The following KCNN3 variants were observed in gnomAD, a reference collection of about 807,000 sequenced individuals.
The protein encoded by KCNN3 is potassium calcium-activated channel subfamily N member 3.
Under a neutral mutation model 62.9 loss-of-function variants are expected in KCNN3, and 16 were observed. The observed-to-expected ratio is 0.25, with a 90% CI of 0.17 to 0.39. The LOEUF is 0.39. Among genes scored for constraint, KCNN3 ranks in the 10% least tolerant of loss-of-function variants. KCNN3 has a pLI of 1.00. For synonymous variants in KCNN3, 370 were observed against 389.2 expected, an observed-to-expected ratio of 0.95 and a Z score of 0.58; for missense variants, 599 against 949.4, an observed-to-expected ratio of 0.63 and a Z score of 4.85.
intron 3 of KCNN3, among the ~76,000 whole-genome samples, chr1:154,749,902 G>A (rs1340799107): frequency 1.3e-5 from 2 of 152,164 alleles, no homozygotes; most frequent in African/African-American, 4.8e-5. Context: ...CCCAGGGAGT[G>A]CAGCTGTCCC....
intron 1 of KCNN3, among the ~76,000 whole-genome samples, chr1:154,833,296 A>T (rs1571320772): frequency 6.6e-6 from 1 of 152,008 alleles, no homozygotes; most frequent in East Asian, 1.9e-4. Flanking sequence ...TTTTTAAGAC[A>T]CCCAGAAATC....
rs970837702 is a variant in KCNN3, at chr1:154,703,021, G to A, written c.*4955C>T. On this transcript the variant is annotated 3_prime_UTR_variant, in exon 8 of 8. Transcript: ENST00000271915. ...TTGTTCAGAGGGAACTCCAGTTCAC[G>A]TTTGGGTGTTTCCAGTAATGGCGTA... is the stretch of plus-strand genomic sequence containing the variant. 5 of 151,810 alleles carry A rather than the reference G, an allele frequency of 3.3e-5. No homozygotes were observed. The highest frequency in any genetic ancestry group is 5.9e-5 in the Non-Finnish European group (4 of 67,974). The allele number at this position is 151,810 out of a possible 1,614,324, so 9.4% of individuals were successfully genotyped here. A position where few individuals can be genotyped will look rare whatever the true frequency, so the allele number is the denominator to read the frequency against.
intron 1 of KCNN3, among the ~76,000 whole-genome samples, chr1:154,832,712 A>G (rs1014862038): frequency 6.6e-6 from 1 of 152,216 alleles, no homozygotes; most frequent in Non-Finnish European, 1.5e-5. Flanking sequence ...TCCCAAATGA[A>G]TAAAACAGCA....
chr1:154,853,548 G>A (rs915482263), intron 1 of KCNN3, among the ~76,000 whole-genome samples: 2 of 152,110 alleles, frequency 1.3e-5, no homozygotes, highest in African/African-American at 4.8e-5. Context: ...GCCTAGGCTG[G>A]TCTCAAACTC....
At chr1:154,780,062 C>T (rs1290001027) in intron 2 of KCNN3, among the ~76,000 whole-genome samples, 1 of 152,162 alleles carries the variant, frequency 6.6e-6, no homozygotes, top group Admixed American at 6.5e-5. Context: ...GCTGCCTTGA[C>T]AAGGAGACAA....
At chr1:154,787,792 A>G (rs1359332972) in intron 2 of KCNN3, among the ~76,000 whole-genome samples, 1 of 152,180 alleles carries the variant, frequency 6.6e-6, no homozygotes, top group African/African-American at 2.4e-5. Context: ...TTGGATATCC[A>G]GACGCCCAGA....
intron 2 of KCNN3, among the ~76,000 whole-genome samples, chr1:154,790,028 C>T (rs975176803): frequency 4.6e-5 from 7 of 152,224 alleles, no homozygotes; most frequent in African/African-American, 1.7e-4. Context: ...CCTGCCTCAG[C>T]TTCCCAAGTG....
chr1:154,783,857 C>T (rs936553814), intron 2 of KCNN3, among the ~76,000 whole-genome samples: 5 of 152,156 alleles, frequency 3.3e-5, no homozygotes, highest in Non-Finnish European at 7.3e-5. Context: ...GTTGTGCCAC[C>T]ACCACCTCAC....
intron 1 of KCNN3, among the ~76,000 whole-genome samples, chr1:154,849,537 G>T (rs1349715693): frequency 6.6e-6 from 1 of 152,214 alleles, no homozygotes; most frequent in Non-Finnish European, 1.5e-5. Context: ...CTCAAGACAA[G>T]ATTTCCAAGG....
intron 1 of KCNN3, among the ~76,000 whole-genome samples, chr1:154,838,433 C>T (rs1318010445): frequency 2.0e-5 from 3 of 152,104 alleles, no homozygotes; most frequent in African/African-American, 7.2e-5. Context: ...GAAGGCAGAC[C>T]CCCTAAGCAA....
At position 154,703,405 on chromosome 1, in the gene KCNN3, T is replaced by C. The variant is rs1399473059; in HGVS notation, c.*4571A>G. The C allele has an allele frequency of 6.6e-6, 1 of 152,212 alleles. No homozygotes were observed. The highest frequency in any genetic ancestry group is 1.5e-5 in the Non-Finnish European group (1 of 68,038). The allele number at this position is 152,212 out of a possible 1,614,324, so 9.4% of individuals were successfully genotyped here. ...TCGTGCCTACTGGGAAGTCACCAGA[T>C]AGCTGTCTAAGGTACTGAAATCAAA... is the stretch of plus-strand genomic sequence containing the variant. On this transcript the variant is annotated 3_prime_UTR_variant, in exon 8 of 8. Coordinates refer to ENST00000271915, the MANE Select transcript of KCNN3 (RefSeq NM_002249.6).
At chr1:154,781,013 T>C (rs1322638481) in intron 2 of KCNN3, among the ~76,000 whole-genome samples, 1 of 152,162 alleles carries the variant, frequency 6.6e-6, no homozygotes, top group African/African-American at 2.4e-5. Context: ...ACCATCCCAC[T>C]CCCTGGGCCA....
rs919869373 is a variant in KCNN3 at position 154,745,964 on chromosome 1, G to GC, written c.1449-12821dup. ...AGACGGGGGTTTGGATCCCAGCCCT[G>GC]CCACCTGTTAGCTGTGTGGCCTAGG... is the stretch of plus-strand genomic sequence containing the variant. On this transcript the variant is annotated intron_variant, in intron 3 of 7. Transcript: ENST00000271915. Among the ~76,000 whole-genome samples the GC allele has an allele frequency of 2.5e-4, 38 of 152,278 alleles. 1 individual carries two copies. Among genetic ancestry groups the GC allele is most frequent in the African/African-American group, 8.4e-4 (35 of 41,556 alleles).
intron 2 of KCNN3, among the ~76,000 whole-genome samples, chr1:154,790,585 G>A (rs765579650): frequency 6.6e-6 from 1 of 152,148 alleles, no homozygotes; most frequent in Admixed American, 6.5e-5. Flanking sequence ...AGGGCTGACC[G>A]GGGCTCTCTG....
At chr1:154,783,238 G>A (rs1649136892) in intron 2 of KCNN3, among the ~76,000 whole-genome samples, 1 of 151,014 alleles carries the variant, frequency 6.6e-6, no homozygotes, top group Admixed American at 6.6e-5. Context: ...AAAAAGAAAA[G>A]AAAGAAAACT....
rs1219842602 is a variant in KCNN3 at position 154,698,880 on chromosome 1, G to T, written c.*9096C>A. ...ATTTCATTTGCCTTTCCTTAGTAAGGAACACAGTAACAACGCGAACAAAAC... is the reference window on the plus strand; with the variant it reads ...ATTTCATTTGCCTTTCCTTAGTAAGTAACACAGTAACAACGCGAACAAAAC... On this transcript the variant is annotated 3_prime_UTR_variant, in exon 8 of 8. Transcript: ENST00000271915. 2 of 152,172 alleles carry T rather than the reference G, an allele frequency of 1.3e-5. No individual in the cohort carries two copies. Among genetic ancestry groups the T allele is most frequent in the Non-Finnish European group, 2.9e-5 (2 of 68,030 alleles). 9.4% of individuals were successfully genotyped at this position (152,172 alleles called of 1,614,324 possible). A position where few individuals can be genotyped will look rare whatever the true frequency, so the allele number is the denominator to read the frequency against.
At chr1:154,760,800 T>G (rs1242254736) in intron 3 of KCNN3, among the ~76,000 whole-genome samples, 4 of 152,050 alleles carry the variant, frequency 2.6e-5, no homozygotes, top group Non-Finnish European at 4.4e-5. Context: ...GCACGCCGGC[T>G]CGGGCGCTCC....
chr1:154,865,731 C>A lies in KCNN3; in HGVS notation c.933+3301G>T, dbSNP rs78139082. ...AGTTACTTCCCCAGCAGCAGCCACCCGCCAAACATAGGTGAACAGCAAGGC... is the reference window on the plus strand; with the variant it reads ...AGTTACTTCCCCAGCAGCAGCCACCAGCCAAACATAGGTGAACAGCAAGGC... On this transcript the variant is annotated intron_variant, in intron 1 of 7. Coordinates refer to ENST00000271915, the MANE Select transcript of KCNN3 (RefSeq NM_002249.6). Among the ~76,000 whole-genome samples, 422 of 152,216 alleles carry A rather than the reference C, an allele frequency of 2.8e-3. 3 individuals are homozygous for A. The highest frequency in any genetic ancestry group is 9.9e-3 in the African/African-American group (410 of 41,510).
At chr1:154,819,274 G>C (rs1387653519) in intron 2 of KCNN3, among the ~76,000 whole-genome samples, 1 of 152,178 alleles carries the variant, frequency 6.6e-6, no homozygotes. Flanking sequence ...CTAAGTAATA[G>C]ATGAGGAAAC....
Sources: allele counts gnomAD v4.1 joint callset (sites outside exome capture counted in the v4.1 genomes callset), GRCh38; gene constraint gnomAD v4.1.1; transcripts MANE v1.5; gene names NCBI Gene and HGNC (gene_info 2026-07-23, HGNC 2026-07-21).